The following CIZ1 variants were observed in gnomAD, a reference collection of about 807,000 sequenced individuals.
CIZ1 encodes CDKN1A interacting zinc finger protein 1, also known as cip1-interacting zinc finger protein.
Under a neutral mutation model 118.6 loss-of-function variants are expected in CIZ1, and 58 were observed. The ratio of observed to expected loss-of-function variants is 0.49; its 90% CI spans 0.40 to 0.61. The LOEUF is 0.61. CIZ1 is among the 20% of genes least tolerant of loss of function. The pLI, the probability that CIZ1 is intolerant of heterozygous loss-of-function variation, is 0.00. For synonymous variants in CIZ1, 448 were observed against 443.4 expected, an observed-to-expected ratio of 1.01 and a Z score of -0.13; for missense variants, 921 against 1,115.9, an observed-to-expected ratio of 0.83 and a Z score of 2.49.
chr9:128,171,449 C>T (rs376362063), intron 11 of CIZ1, among the ~76,000 whole-genome samples: 37 of 151,142 alleles, frequency 2.4e-4, no homozygotes, highest in Non-Finnish European at 4.9e-4. Context: ...AAAATAGGGC[C>T]GGGCACGGTG....
At chr9:128,190,082 G>A (rs889955537) in intron 3 of CIZ1, among the ~76,000 whole-genome samples, 1 of 152,192 alleles carries the variant, frequency 6.6e-6, no homozygotes, top group South Asian at 2.1e-4. Flanking sequence ...TGAGTGAAGT[G>A]TGCTGAGTAT....
chr9:128,185,783 G>A lies in CIZ1; in HGVS notation c.359-7C>T. ...CCATAGCCTCGGAGGTTACCTGCAGGCAAGAAGACAGGAGAAGAGGGGTCA... is the reference window on the plus strand; with the variant it reads ...CCATAGCCTCGGAGGTTACCTGCAGACAAGAAGACAGGAGAAGAGGGGTCA... On this transcript the variant is annotated splice_polypyrimidine_tract_variant and splice_region_variant and intron_variant, in intron 4 of 16. Transcript: ENST00000372938. 1 of 1,606,818 alleles carries A rather than the reference G, an allele frequency of 6.2e-7. No individual in the cohort carries two copies. Among genetic ancestry groups the A allele is most frequent in the East Asian group, 2.2e-5 (1 of 44,850 alleles).
At chr9:128,181,663 C>G (rs547905507) in intron 5 of CIZ1, among the ~76,000 whole-genome samples, 1 of 151,950 alleles carries the variant, frequency 6.6e-6, no homozygotes, top group African/African-American at 2.4e-5. Context: ...CTAGCGGTGA[C>G]GCCAGCGTCT....
chr9:128,170,107 C>T lies in CIZ1; in HGVS notation c.1944G>A (p.Glu648=). 1 of 1,566,962 alleles carries T rather than the reference C, an allele frequency of 6.4e-7. No homozygotes were observed. Residue 648 remains glutamate (E), a splice_region_variant and synonymous_variant, in exon 12 of 17, where the codon GAG becomes GAA. Coordinates refer to ENST00000372938, the MANE Select transcript of CIZ1 (RefSeq NM_001131016.2). ...TGCACCAGCGCCTTGGTGGAGGCTC[C>T]CTGAATGACAACAGTCAAAGCAAGT... ...VPRDVLETED[E]EPPPRRWCNT... is the part of the protein sequence containing the mutation.
intron 3 of CIZ1, 83 bp downstream of exon 3, chr9:128,190,246 G>C: frequency 1.1e-6 from 1 of 932,234 alleles, no homozygotes; most frequent in Non-Finnish European, 1.7e-6. Flanking sequence ...CAGGGTGGCT[G>C]TGTGGAGTTG....
chr9:128,192,545 A>T (rs1400142863), upstream of CIZ1, among the ~76,000 whole-genome samples: 1 of 149,690 alleles, frequency 6.7e-6, no homozygotes, highest in African/African-American at 2.5e-5. Flanking sequence ...TTTATTTTTT[A>T]TTTATTTATA....
rs1032035489 is a variant in CIZ1 at position 128,183,379 on chromosome 9, G to A, written c.588+2168C>T. ...ATACGTAAAAAAATGAGGGCAGGGC[G>A]GGTTAGACACTAGACCAGATCTGTG... On this transcript the variant is annotated intron_variant, in intron 5 of 16. Transcript: ENST00000372938. 4.6e-5 allele frequency among the ~76,000 whole-genome samples: 7 copies of A among 152,202 alleles called. 1 individual carries two copies. Among genetic ancestry groups the A allele is most frequent in the South Asian group, 4.1e-4 (2 of 4,830 alleles).
rs1831259801 is a variant in CIZ1, at chr9:128,179,274, G to C, written c.933C>G (p.Phe311Leu). Reference sequence around the variant, plus strand: ...CCTGGACCTGCAGGACCCGTGGCTGGAATCGTGGCAGCACTTGGGCTTCCA... The same window carrying C: ...CCTGGACCTGCAGGACCCGTGGCTGCAATCGTGGCAGCACTTGGGCTTCCA... The part of the protein sequence containing the change: ...EALEAQVLPR[F>L]QPRVLQVQAQ... The change falls in exon 8 of 17, where the codon TTC (phenylalanine) becomes TTG (leucine). Residue 311 changes from phenylalanine to leucine, a missense_variant. Physicochemically the swap from Phe to Leu is conservative, Grantham distance 22. Coordinates refer to ENST00000372938, the MANE Select transcript of CIZ1 (RefSeq NM_001131016.2). The C allele has an allele frequency of 6.2e-7, 1 of 1,614,062 alleles. No individual in the cohort carries two copies. The highest frequency in any genetic ancestry group is 8.5e-7 in the Non-Finnish European group (1 of 1,180,054).
chr9:128,193,173 C>T (rs373551937), upstream of CIZ1, among the ~76,000 whole-genome samples: 2 of 152,184 alleles, frequency 1.3e-5, no homozygotes, highest in Admixed American at 6.5e-5. Flanking sequence ...AGTGACTCAG[C>T]GAGGCCGGAG....
intron 1 of CIZ1, chr9:128,196,935 A>G (rs186769707): frequency 2.3e-4 from 35 of 152,314 alleles, no homozygotes; most frequent in African/African-American, 8.4e-4. Flanking sequence ...CCTTGCAGTA[A>G]GTTAGTTTCA....
At chr9:128,176,289 C>T in intron 11 of CIZ1, 62 bp downstream of exon 11, 1 of 1,588,412 alleles carries the variant, frequency 6.3e-7, no homozygotes, top group Non-Finnish European at 8.6e-7. Context: ...ATGGTAGATT[C>T]AGGCCCTGGC....
At position 128,179,212 on chromosome 9, in the gene CIZ1, G is replaced by C. The variant is rs771566865; in HGVS notation, c.995C>G (p.Ser332Cys). Residue 332 changes from serine to cysteine, a missense_variant, in exon 8 of 17, where the codon TCC becomes TGC. Transcript: ENST00000372938. ...CTTTGGCTGCACCTGGGTGTCTGTG[G>C]ATGGTATCCGCGGCTGAGTCTGTGA... ...VQSQTQPRIP[S>C]TDTQVQPKLQ... 6.2e-7 allele frequency: 1 copy of C among 1,614,158 alleles called. No homozygotes were observed. Among genetic ancestry groups the C allele is most frequent in the Non-Finnish European group, 8.5e-7 (1 of 1,180,002 alleles).
chr9:128,197,339 A>T (rs1833400785), intron 1 of CIZ1: 5 of 152,312 alleles, frequency 3.3e-5, no homozygotes, highest in Admixed American at 2.0e-4. Context: ...AGTTCCAGTG[A>T]GGCACCCAGC....
chr9:128,183,419 G>A (rs1180087195), intron 5 of CIZ1, among the ~76,000 whole-genome samples: 2 of 152,222 alleles, frequency 1.3e-5, no homozygotes, highest in Admixed American at 6.5e-5. Context: ...CAGGCCCGTT[G>A]GAAGGCTGGA....
At chr9:128,168,768 C>T (rs1329230979) in intron 14 of CIZ1, 2 of 414,456 alleles carry the variant, frequency 4.8e-6, no homozygotes, top group Admixed American at 7.6e-5. Context: ...TTCCTTTGCA[C>T]ACTACATAGT....
rs1833657192 is a variant in CIZ1 at position 128,203,791 on chromosome 9, C to T, written c.-6+395G>A. On this transcript the variant is annotated intron_variant, in intron 1 of 17. Coordinates refer to the CIZ1 transcript ENST00000372948. The surrounding 1 kb of genome is among the most constrained non-coding windows in gnomAD (Gnocchi z 5.3). ...CCGGAGCGAGGAGGCCCTCCCCCCA[C>T]CACGAGAGCCCCTCGGGGCAGCAGC... Among the ~76,000 whole-genome samples, 2 of 149,868 alleles carry T rather than the reference C, an allele frequency of 1.3e-5. No homozygotes were observed. The highest frequency in any genetic ancestry group is 4.2e-4 in the South Asian group (2 of 4,718).
rs45582931 is a variant in CIZ1, at chr9:128,176,383, G to A, written c.1911C>T (p.Pro637=). Residue 637 remains proline (P), a synonymous_variant, in exon 11 of 17, where the codon CCC becomes CCT. Transcript: ENST00000372938. ...MSQACLLSLL[P]VPRDVLETED... ...CTGTCTCCAGGACGTCCCGGGGCAC[G>A]GGCAGCAGGGACAGGAGGCAGGCTT... is the stretch of plus-strand genomic sequence containing the variant. 150 of 1,614,042 alleles carry A rather than the reference G, an allele frequency of 9.3e-5. No homozygotes were observed. The African/African-American group carries it at 1.8e-3, about 20-fold the overall frequency.
Position 128,179,366 on chromosome 9 carries a change from C to A in CIZ1, c.841G>T (p.Ala281Ser). The change falls in exon 8 of 17, where the codon GCC becomes TCC. Residue 281 changes from alanine to serine, a missense_variant. Transcript: ENST00000372938. ...ACTGTCATCCGGGCCTGCGGCTGGG[C>A]CTTCACCTGTAACTGCCCTGGAGGT... The part of the protein sequence containing the change: ...KEPPGQLQVK[A>S]QPQARMTVPK... 6.2e-7 allele frequency: 1 copy of A among 1,613,108 alleles called. No homozygotes were observed. Among genetic ancestry groups the A allele is most frequent in the South Asian group, 1.1e-5 (1 of 90,982 alleles).
chr9:128,179,101 G>T lies in CIZ1; in HGVS notation c.1106C>A (p.Ala369Glu). The T allele has an allele frequency of 6.2e-7, 1 of 1,613,952 alleles. No individual in the cohort carries two copies. Among genetic ancestry groups the T allele is most frequent in the Non-Finnish European group, 8.5e-7 (1 of 1,179,870 alleles). ...KQVQPQLQQE[A>E]EPQKQVQPQV... is the part of the protein sequence containing the mutation. ...TGGCTGCACCTGCTTCTGTGGCTCTGCCTCCTGCTGCAGCTGTGGCTGCAC... is the reference window on the plus strand; with the variant it reads ...TGGCTGCACCTGCTTCTGTGGCTCTTCCTCCTGCTGCAGCTGTGGCTGCAC... The change falls in exon 8 of 17, where the codon GCA (alanine) becomes GAA (glutamate). Residue 369 changes from alanine to glutamate, a missense_variant. Coordinates refer to ENST00000372938, the MANE Select transcript of CIZ1 (RefSeq NM_001131016.2).
Sources: allele counts gnomAD v4.1 joint callset (sites outside exome capture counted in the v4.1 genomes callset), GRCh38; gene constraint gnomAD v4.1.1; non-coding constraint Gnocchi (gnomAD v3.1); transcripts MANE v1.5; gene names NCBI Gene and HGNC (gene_info 2026-07-23, HGNC 2026-07-21).